The following HORMAD2 variants were observed in gnomAD, a reference collection of about 807,000 sequenced individuals.
HORMAD2 encodes the protein HORMA domain-containing protein 2.
Under a neutral mutation model 38.8 loss-of-function variants are expected in HORMAD2, and 45 were observed. That is an observed-to-expected ratio of 1.16 (90% confidence interval 0.91 to 1.49). HORMAD2 has a LOEUF of 1.49. HORMAD2 is among the 40% of genes most tolerant of loss of function. HORMAD2 has a pLI of 0.00. For missense variants in HORMAD2, 338 were observed against 367.0 expected (o/e 0.92, Z 0.65); for synonymous variants, 126 against 122.8 (o/e 1.03, Z -0.17).
the HORMAD2 span, among the ~76,000 whole-genome samples, chr22:30,203,824 G>A: frequency 8.4e-4 from 128 of 152,138 alleles, no homozygotes; most frequent in African/African-American, 2.8e-3. Flanking sequence ...ACACACAAAC[G>A]TGCACTCTGT....
intron 10 of HORMAD2, among the ~76,000 whole-genome samples, chr22:30,132,249 G>A (rs1923334355): frequency 6.6e-6 from 1 of 152,140 alleles, no homozygotes; most frequent in South Asian, 2.1e-4. Context: ...AGCACTGGAA[G>A]AGGCACATTA....
At chr22:30,179,760 T>C (rs13054837), downstream of HORMAD2, among the ~76,000 whole-genome samples, 20,836 of 152,150 alleles carry the variant, frequency 0.14, 2,913 homozygotes, top group African/African-American at 0.34. Flanking sequence ...ATAGAGGATG[T>C]TGAGAAAGGG....
chr22:30,141,406 T>C (rs1054104233), intron 10 of HORMAD2, among the ~76,000 whole-genome samples: 5 of 152,052 alleles, frequency 3.3e-5, no homozygotes, highest in African/African-American at 1.2e-4. Context: ...GAACAGGTGG[T>C]GTTTGGTTAC....
rs1569092146 is a variant in HORMAD2, at chr22:30,111,833, T to G, written c.315+17T>G. 5 of 1,563,906 alleles carry G rather than the reference T, an allele frequency of 3.2e-6. No homozygotes were observed. Among genetic ancestry groups the G allele is most frequent in the Non-Finnish European group, 4.3e-6 (5 of 1,152,780 alleles). Reference sequence around the variant, plus strand: ...GTACTGACAGTAAGTACACACTCATTTAAAGACCAAGCCTCTGTCTCTATT... The same window carrying G: ...GTACTGACAGTAAGTACACACTCATGTAAAGACCAAGCCTCTGTCTCTATT... On this transcript the variant is annotated intron_variant, in intron 6 of 10. Transcript: ENST00000336726.
downstream of HORMAD2, among the ~76,000 whole-genome samples, chr22:30,181,473 A>C (rs1030621126): frequency 2.6e-4 from 40 of 152,314 alleles, 1 homozygote; most frequent in African/African-American, 9.6e-4. Flanking sequence ...AAGATAGTTC[A>C]ATGGGAGAGA....
chr22:30,175,719 A>G (rs780216686), intron 10 of HORMAD2, among the ~76,000 whole-genome samples: 4 of 152,156 alleles, frequency 2.6e-5, no homozygotes, highest in Non-Finnish European at 5.9e-5. Context: ...CCTCTAAAGC[A>G]GTCAGTGCCC....
chr22:30,118,907 A>G (rs1922238266), intron 7 of HORMAD2, 73 bp from the exon 8 acceptor site: 3 of 974,990 alleles, frequency 3.1e-6, no homozygotes, highest in Non-Finnish European at 4.7e-6. Flanking sequence ...AATGTTCCTT[A>G]CTTATGATCA....
At chr22:30,205,106 A>G in the HORMAD2 span, among the ~76,000 whole-genome samples, 1 of 152,188 alleles carries the variant, frequency 6.6e-6, no homozygotes, top group African/African-American at 2.4e-5. Flanking sequence ...ATATTTAATT[A>G]TAATATTGCG....
the HORMAD2 span, among the ~76,000 whole-genome samples, chr22:30,202,381 G>T: frequency 5.9e-5 from 9 of 151,684 alleles, no homozygotes; most frequent in Non-Finnish European, 1.0e-4. Context: ...GGTGAGGAGT[G>T]GGAGTTGAGT....
chr22:30,088,048 T>C (rs1220976595), intron 1 of HORMAD2, among the ~76,000 whole-genome samples: 1 of 151,288 alleles, frequency 6.6e-6, no homozygotes, highest in African/African-American at 2.4e-5. Context: ...TATACACACG[T>C]ACACACGTAT....
intron 10 of HORMAD2, among the ~76,000 whole-genome samples, chr22:30,139,127 C>T (rs1038532940): frequency 2.0e-5 from 3 of 151,516 alleles, no homozygotes; most frequent in Non-Finnish European, 4.4e-5. Flanking sequence ...AGACTGGAAC[C>T]GCATCATCAA....
At chr22:30,190,883 A>G in the HORMAD2 span, among the ~76,000 whole-genome samples, 1 of 152,220 alleles carries the variant, frequency 6.6e-6, no homozygotes, top group African/African-American at 2.4e-5. Flanking sequence ...AGGAGTTACA[A>G]GAAAGAGCAA....
chr22:30,105,166 G>A, intron 5 of HORMAD2: 1 of 165,356 alleles, frequency 6.0e-6, no homozygotes, highest in Non-Finnish European at 1.3e-5. Flanking sequence ...TCTTGGTGCG[G>A]ATGTGTGTTC....
At chr22:30,164,028 T>C (rs989613097) in intron 10 of HORMAD2, among the ~76,000 whole-genome samples, 10 of 152,210 alleles carry the variant, frequency 6.6e-5, no homozygotes, top group African/African-American at 2.4e-4. Flanking sequence ...CTATATACCT[T>C]ACACAAGTGG....
chr22:30,107,605 C>T (rs2146100747), intron 5 of HORMAD2, among the ~76,000 whole-genome samples: 1 of 151,972 alleles, frequency 6.6e-6, no homozygotes, highest in South Asian at 2.1e-4. Context: ...AAAAAATTAG[C>T]TGAGTATGGT....
At chr22:30,201,389 T>C in the HORMAD2 span, among the ~76,000 whole-genome samples, 2 of 151,974 alleles carry the variant, frequency 1.3e-5, no homozygotes, top group Admixed American at 1.3e-4. Context: ...TAAGGTTATA[T>C]TCACAGGTAC....
intron 10 of HORMAD2, among the ~76,000 whole-genome samples, chr22:30,173,284 A>G (rs375082325): frequency 4.6e-5 from 7 of 152,236 alleles, no homozygotes; most frequent in Non-Finnish European, 7.3e-5. Context: ...TCAGATCTGC[A>G]TATGAGACTA....
intron 10 of HORMAD2, among the ~76,000 whole-genome samples, chr22:30,171,622 T>G (rs183474531): frequency 2.0e-5 from 3 of 152,258 alleles, no homozygotes; most frequent in Admixed American, 2.0e-4. Flanking sequence ...GGCAGAGTGC[T>G]CTTTGAAAAT....
intron 3 of HORMAD2, among the ~76,000 whole-genome samples, chr22:30,099,572 C>G (rs1204818228): frequency 6.6e-6 from 1 of 151,994 alleles, no homozygotes; most frequent in East Asian, 1.9e-4. Context: ...TGTTTCTGGC[C>G]CCTTTTCTTC....
Sources: gnomAD v4.1 joint callset for allele counts (sites outside exome capture counted in the v4.1 genomes callset) on GRCh38, gnomAD v4.1.1 for gene constraint, MANE v1.5 for transcripts, NCBI Gene and HGNC (gene_info 2026-07-23, HGNC 2026-07-21) for gene names.